PPP2R2C: variants seen among roughly 807,000 people sequenced by gnomAD.
The protein encoded by PPP2R2C is protein phosphatase 2 regulatory subunit Bgamma.
A neutral mutation model predicts 45.3 loss-of-function variants in PPP2R2C; 10 were observed. That is an observed-to-expected ratio of 0.22 (90% CI 0.14 to 0.37). The LOEUF (loss-of-function observed/expected upper bound fraction) is 0.37. Ranked by LOEUF, PPP2R2C falls within the 10% of genes least tolerant of loss-of-function variation. The pLI is 1.00. For missense variants in PPP2R2C, 308 were observed against 619.7 expected, an observed-to-expected ratio of 0.50 and a Z score of 5.34; for synonymous variants, 257 against 245.4, an observed-to-expected ratio of 1.05 and a Z score of -0.44.
At chr4:6,355,713 G>A (rs1047313043) in intron 5 of PPP2R2C, among the ~76,000 whole-genome samples, 9 of 152,044 alleles carry the variant, frequency 5.9e-5, no homozygotes, top group African/African-American at 1.7e-4. Flanking sequence ...TGTGCTGGCC[G>A]GGCATGGTGG....
intron 1 of PPP2R2C, among the ~76,000 whole-genome samples, chr4:6,449,617 C>G (rs1022208107): frequency 6.6e-6 from 1 of 152,320 alleles, no homozygotes; most frequent in Admixed American, 6.5e-5. Flanking sequence ...AAAGCAGGCA[C>G]GAGAAAGCAA....
chr4:6,480,243 C>A (rs1424177689), intron 2 of PPP2R2C, among the ~76,000 whole-genome samples: 1 of 152,182 alleles, frequency 6.6e-6, no homozygotes, highest in Non-Finnish European at 1.5e-5. Context: ...CACCATACTA[C>A]AAACTGCTTT....
chr4:6,459,127 G>A (rs940200922), intron 1 of PPP2R2C, among the ~76,000 whole-genome samples: 8 of 152,170 alleles, frequency 5.3e-5, no homozygotes, highest in Non-Finnish European at 1.2e-4. Context: ...TGAATCTGCA[G>A]TTTGGGTAGA....
intron 2 of PPP2R2C, among the ~76,000 whole-genome samples, chr4:6,493,868 T>G (rs2108787975): frequency 6.6e-6 from 1 of 152,308 alleles, no homozygotes; most frequent in East Asian, 1.9e-4. Context: ...ACAGCCTCGG[T>G]GTATTCTGTT....
intron 2 of PPP2R2C, among the ~76,000 whole-genome samples, chr4:6,508,853 C>A (rs2108799732): frequency 6.6e-6 from 1 of 152,256 alleles, no homozygotes; most frequent in East Asian, 1.9e-4. Flanking sequence ...ACAGCCCACC[C>A]CAAAAAACAA....
chr4:6,382,852 C>T, intron 1 of PPP2R2C: 14 of 1,134,146 alleles, frequency 1.2e-5, no homozygotes, highest in Non-Finnish European at 1.5e-5. Flanking sequence ...AGCAGAGAGG[C>T]TGGTAACACC....
At chr4:6,500,082 C>G (rs1383768705) in intron 2 of PPP2R2C, among the ~76,000 whole-genome samples, 1 of 152,170 alleles carries the variant, frequency 6.6e-6, no homozygotes, top group African/African-American at 2.4e-5. Context: ...AATGTTTGTT[C>G]CTAACAACAC....
chr4:6,342,123 C>CATAAAT (rs2109207078), intron 6 of PPP2R2C, among the ~76,000 whole-genome samples: 1 of 119,280 alleles, frequency 8.4e-6, no homozygotes, highest in Non-Finnish European at 1.7e-5. Flanking sequence ...CACACACACA[C>CATAAAT]ACACATACAT....
intron 6 of PPP2R2C, among the ~76,000 whole-genome samples, chr4:6,336,214 G>A (rs530024113): frequency 2.7e-5 from 4 of 150,544 alleles, no homozygotes; most frequent in African/African-American, 9.7e-5. Flanking sequence ...CCCTCCACAC[G>A]CCCCCAGTCC....
At chr4:6,450,768 A>G (rs895770991) in intron 1 of PPP2R2C, among the ~76,000 whole-genome samples, 3 of 152,118 alleles carry the variant, frequency 2.0e-5, no homozygotes, top group African/African-American at 7.2e-5. Context: ...TTCTCTGCCA[A>G]CTGGAGACAA....
At chr4:6,445,401 G>A (rs903643863) in intron 1 of PPP2R2C, among the ~76,000 whole-genome samples, 1 of 152,196 alleles carries the variant, frequency 6.6e-6, no homozygotes, top group East Asian at 1.9e-4. Context: ...ATTTAGCCAA[G>A]TTTGCAAAAG....
At chr4:6,431,110 A>G (rs571947276) in intron 1 of PPP2R2C, among the ~76,000 whole-genome samples, 8 of 152,214 alleles carry the variant, frequency 5.3e-5, no homozygotes, top group South Asian at 2.1e-4. Context: ...TGCAAGCCCA[A>G]GGATCAGTAT....
chr4:6,382,062 C>T, intron 1 of PPP2R2C: 1 of 1,401,006 alleles, frequency 7.1e-7, no homozygotes, highest in Non-Finnish European at 9.2e-7. Context: ...CCTGCTCCAC[C>T]AACAAGTTTT....
rs919432671 is a variant in PPP2R2C at position 6,328,698 on chromosome 4, A to G, written c.1052+564T>C. ...GGCACTGGGGCGCCACTTTCCAGGC[A>G]GGTGGGGTTGAGAGACGGCTGGACT... On this transcript the variant is annotated intron_variant, in intron 8 of 8. Transcript: ENST00000382599. This position sits in a 1 kb window ranked among gnomAD's most constrained non-coding sequence, Gnocchi z 4.4. 6.6e-6 allele frequency among the ~76,000 whole-genome samples: 1 copy of G among 152,200 alleles called. No homozygotes were observed. The highest frequency in any genetic ancestry group is 2.4e-5 in the African/African-American group (1 of 41,456).
chr4:6,515,733 C>A (rs1723809231), intron 2 of PPP2R2C, among the ~76,000 whole-genome samples: 1 of 152,222 alleles, frequency 6.6e-6, no homozygotes, highest in African/African-American at 2.4e-5. Flanking sequence ...TGCATGCCAG[C>A]ACTAAGTTAG....
chr4:6,526,894 C>A lies in PPP2R2C; in HGVS notation c.49+8377G>T, dbSNP rs142982921. ...CCTGATTCCCTGAGGAGGGGGACAG[C>A]CATCACGGTAGGCTTTGTTACAGCC... On this transcript the variant is annotated intron_variant, in intron 2 of 9. Transcript: ENST00000506140. Among the ~76,000 whole-genome samples, 3 of 152,272 alleles carry A rather than the reference C, an allele frequency of 2.0e-5. No individual in the cohort carries two copies. In the East Asian group the frequency reaches 5.8e-4, roughly 29 times the overall value.
intron 1 of PPP2R2C, among the ~76,000 whole-genome samples, chr4:6,562,456 A>C (rs1725607499): frequency 1.0e-5 from 1 of 99,342 alleles, no homozygotes. Flanking sequence ...TGTGGGGAGG[A>C]TTCAACGGAG....
chr4:6,406,708 G>A (rs1163674023), intron 1 of PPP2R2C, among the ~76,000 whole-genome samples: 1 of 152,120 alleles, frequency 6.6e-6, no homozygotes, highest in African/African-American at 2.4e-5. Flanking sequence ...AGTGAGCCGA[G>A]ATCGCACCAC....
intron 2 of PPP2R2C, among the ~76,000 whole-genome samples, chr4:6,511,577 C>T (rs796598722): frequency 0.045 from 51 of 1,138 alleles, 2 homozygotes; most frequent in African/African-American, 0.14. Context: ...GTGGTGATGG[C>T]GGTGGTGGTG....
Sources: allele counts gnomAD v4.1 joint callset (sites outside exome capture counted in the v4.1 genomes callset), GRCh38; gene constraint gnomAD v4.1.1; non-coding constraint Gnocchi (gnomAD v3.1); transcripts MANE v1.5; gene names NCBI Gene and HGNC (gene_info 2026-07-23, HGNC 2026-07-21).